Variants in LINGO2 observed in about 807,000 individuals in gnomAD.
LINGO2 encodes the protein leucine-rich repeat and immunoglobulin-like domain-containing nogo receptor-interacting protein 2.
In LINGO2, 14 loss-of-function variants were observed where a neutral mutation model predicts 30.6. That is an observed-to-expected ratio of 0.46 (90% CI 0.30 to 0.72). The LOEUF is 0.72. Among genes scored for constraint, LINGO2 ranks in the 30% least tolerant of loss-of-function variants. The probability of loss-of-function intolerance (pLI) is 0.07; values close to 1 mark genes in which losing one functional copy is unlikely to be tolerated. For missense variants in LINGO2, 729 were observed against 751.7 expected (o/e 0.97, Z 0.35); for synonymous variants, 317 against 288.5 (o/e 1.10, Z -1.00).
At chr9:28,601,208 G>A (rs952533109) in intron 1 of LINGO2, among the ~76,000 whole-genome samples, 3 of 152,092 alleles carry the variant, frequency 2.0e-5, no homozygotes, top group Non-Finnish European at 2.9e-5. Context: ...AGATGTCATA[G>A]AGCTGATATC....
chr9:28,761,500 G>A, the LINGO2 span, among the ~76,000 whole-genome samples: 30,574 of 117,732 alleles, frequency 0.26, 3,416 homozygotes, highest in African/African-American at 0.34. Flanking sequence ...ACACACACAC[G>A]CACACACACG....
At chr9:28,023,615 G>A (rs1395326682) in intron 4 of LINGO2, among the ~76,000 whole-genome samples, 1 of 152,162 alleles carries the variant, frequency 6.6e-6, no homozygotes. Flanking sequence ...AAACAGGAAA[G>A]CTAGAGGATG....
intron 1 of LINGO2, among the ~76,000 whole-genome samples, chr9:28,609,404 A>C (rs945220108): frequency 6.6e-6 from 1 of 151,944 alleles, no homozygotes; most frequent in African/African-American, 2.4e-5. Flanking sequence ...GTTCATATGA[A>C]TCAATAATAA....
chr9:29,126,532 C>A, the LINGO2 span, among the ~76,000 whole-genome samples: 1 of 151,964 alleles, frequency 6.6e-6, no homozygotes, highest in African/African-American at 2.4e-5. Flanking sequence ...CATGCAAATA[C>A]ATTGATCTTA....
intron 1 of LINGO2, among the ~76,000 whole-genome samples, chr9:28,533,034 G>A (rs145816825): frequency 2.1e-3 from 319 of 152,110 alleles, no homozygotes; most frequent in Admixed American, 3.3e-3. Flanking sequence ...GGGTGTGTCT[G>A]TGAGGGTGTT....
chr9:28,043,356 A>G (rs897766469), intron 4 of LINGO2, among the ~76,000 whole-genome samples: 7 of 152,166 alleles, frequency 4.6e-5, no homozygotes, highest in Non-Finnish European at 7.3e-5. Context: ...GAATAACTCA[A>G]GTGAACTGAC....
exon 6 of LINGO2, chr9:27,950,520 A>G (rs1380516857): frequency 1.3e-6 from 2 of 1,580,144 alleles, no homozygotes; most frequent in Admixed American, 1.8e-5. Context: ...GCCCTCTGGG[A>G]TGGCGATCAA....
the LINGO2 span, among the ~76,000 whole-genome samples, chr9:29,149,563 A>C: frequency 1.3e-5 from 2 of 151,872 alleles, no homozygotes; most frequent in East Asian, 3.9e-4. Context: ...AAGGTTGCCA[A>C]ATGCTAGGGC....
intron 1 of LINGO2, among the ~76,000 whole-genome samples, chr9:28,634,460 C>G (rs77862333): frequency 1.3e-5 from 2 of 150,740 alleles, no homozygotes; most frequent in African/African-American, 4.9e-5. Flanking sequence ...CCCCTCCCCC[C>G]ACACTTTCTT....
intron 5 of LINGO2, among the ~76,000 whole-genome samples, chr9:27,953,123 T>C (rs1488547789): frequency 2.0e-5 from 3 of 152,124 alleles, no homozygotes; most frequent in Non-Finnish European, 2.9e-5. Flanking sequence ...TTGCCTGTCA[T>C]ATTGATAAAG....
intron 4 of LINGO2, among the ~76,000 whole-genome samples, chr9:28,156,097 A>G (rs1425557340): frequency 6.6e-6 from 1 of 152,222 alleles, no homozygotes; most frequent in African/African-American, 2.4e-5. Context: ...AGAAAAGATC[A>G]TTATTGAGAC....
At chr9:29,170,233 T>C in the LINGO2 span, among the ~76,000 whole-genome samples, 4 of 152,196 alleles carry the variant, frequency 2.6e-5, no homozygotes, top group Non-Finnish European at 5.9e-5. Flanking sequence ...TTTAAAAATG[T>C]TGTATATATA....
the LINGO2 span, among the ~76,000 whole-genome samples, chr9:29,095,136 T>TC: frequency 1.4e-5 from 2 of 138,566 alleles, 1 homozygote; most frequent in Non-Finnish European, 3.1e-5. Flanking sequence ...TTAATTTGAG[T>TC]ATTCTAAGAT....
chr9:29,176,001 G>C, the LINGO2 span, among the ~76,000 whole-genome samples: 1 of 152,132 alleles, frequency 6.6e-6, no homozygotes, highest in South Asian at 2.1e-4. Context: ...CCTTACTGAG[G>C]ACATCTTATG....
chr9:28,442,908 G>C (rs965118560), intron 2 of LINGO2, among the ~76,000 whole-genome samples: 2 of 152,088 alleles, frequency 1.3e-5, no homozygotes, highest in African/African-American at 2.4e-5. Context: ...CCTTGGTTTG[G>C]TGTAACTTCA....
chr9:28,423,077 C>T lies in LINGO2; in HGVS notation c.-278-50209G>A, dbSNP rs527390218. Among the ~76,000 whole-genome samples the T allele has an allele frequency of 1.3e-4, 20 of 151,866 alleles. 1 individual carries two copies. The highest frequency in any genetic ancestry group is 3.4e-3 in the Middle Eastern group (1 of 294). Reference sequence around the variant, plus strand: ...GATACAGATTTCCAGTTTTGCAGGACGAAAAGAGTCCCAAAGGTTGATCGT... The same window carrying T: ...GATACAGATTTCCAGTTTTGCAGGATGAAAAGAGTCCCAAAGGTTGATCGT... On this transcript the variant is annotated intron_variant, in intron 2 of 5. Coordinates refer to ENST00000379992, the Ensembl canonical transcript of LINGO2.
In LINGO2 at chr9:28,428,278, G is replaced by A. The variant is rs536306863; in HGVS notation, c.-279+47662C>T. Among the ~76,000 whole-genome samples, 3 of 152,200 alleles carry A rather than the reference G, an allele frequency of 2.0e-5. No homozygotes were observed. In the South Asian group the frequency reaches 6.2e-4, roughly 32 times the overall value. ...AGGAACAAGGGTTTCTGATATTTGAGAGGATTCTTTGGGCAATCTTTGAGG... is the reference window on the plus strand; with the variant it reads ...AGGAACAAGGGTTTCTGATATTTGAAAGGATTCTTTGGGCAATCTTTGAGG... On this transcript the variant is annotated intron_variant, in intron 2 of 5. Coordinates refer to ENST00000379992, the Ensembl canonical transcript of LINGO2.
Position 28,229,169 on chromosome 9 carries a change from G to A in LINGO2, c.-87+66039C>T, listed in dbSNP as rs757501284. Among the ~76,000 whole-genome samples, 110 of 151,508 alleles carry A rather than the reference G, an allele frequency of 7.3e-4. 1 individual carries two copies. Among genetic ancestry groups the A allele is most frequent in the Admixed American group, 3.9e-4 (6 of 15,192 alleles). On this transcript the variant is annotated intron_variant, in intron 4 of 5. Coordinates refer to ENST00000379992, the Ensembl canonical transcript of LINGO2. ...CATACATATTTACAAAGAAAAGGATGGGAAAATAAAAACATGCAAAATTCC... is the reference window on the plus strand; with the variant it reads ...CATACATATTTACAAAGAAAAGGATAGGAAAATAAAAACATGCAAAATTCC...
At chr9:28,240,617 T>A (rs900893902) in intron 4 of LINGO2, among the ~76,000 whole-genome samples, 12 of 152,134 alleles carry the variant, frequency 7.9e-5, no homozygotes, top group African/African-American at 1.9e-4. Flanking sequence ...TTGATCCCCA[T>A]CTCTTATCTT....
Sources: gnomAD v4.1 joint callset for allele counts (sites outside exome capture counted in the v4.1 genomes callset) on GRCh38, gnomAD v4.1.1 for gene constraint, MANE v1.5 for transcripts, NCBI Gene and HGNC (gene_info 2026-07-23, HGNC 2026-07-21) for gene names.